The following SLC25A17 variants were observed in gnomAD, a reference collection of about 807,000 sequenced individuals.
The protein encoded by SLC25A17 is solute carrier family 25 member 17.
In SLC25A17, 26 loss-of-function variants were observed where a neutral mutation model predicts 38.5. That is an observed-to-expected ratio of 0.68 (90% CI 0.50 to 0.94). SLC25A17 has a LOEUF of 0.94. Ranked by LOEUF, SLC25A17 falls within the 40% of genes least tolerant of loss-of-function variation. The pLI is 0.00. For synonymous variants in SLC25A17, 139 were observed against 136.2 expected, an observed-to-expected ratio of 1.02 and a Z score of -0.14; for missense variants, 333 against 372.7, an observed-to-expected ratio of 0.89 and a Z score of 0.88.
At chr22:40,810,347 C>CTTTTT (rs199943597) in intron 1 of SLC25A17, among the ~76,000 whole-genome samples, 56 of 135,546 alleles carry the variant, frequency 4.1e-4, no homozygotes, top group Non-Finnish European at 7.7e-4. Flanking sequence ...ATTAAATATT[C>CTTTTT]TTTTTTTTTT....
intron 2 of SLC25A17, chr22:40,797,285 C>T: frequency 1.6e-6 from 2 of 1,285,882 alleles, no homozygotes; most frequent in Non-Finnish European, 2.1e-6. Flanking sequence ...TAATCTTACT[C>T]ATCTCTTCAT....
chr22:40,787,392 G>A (rs1339052754), intron 4 of SLC25A17, among the ~76,000 whole-genome samples: 2 of 152,180 alleles, frequency 1.3e-5, no homozygotes. Flanking sequence ...TTCACTCTTG[G>A]TAAGCGTAAA....
intron 1 of SLC25A17, among the ~76,000 whole-genome samples, chr22:40,801,773 C>T (rs1017634971): frequency 1.3e-5 from 2 of 152,138 alleles, no homozygotes; most frequent in African/African-American, 4.8e-5. Flanking sequence ...CATTTTCTAT[C>T]GCATGGTACT....
chr22:40,771,580 A>G (rs1024051633), intron 8 of SLC25A17, among the ~76,000 whole-genome samples: 1 of 152,248 alleles, frequency 6.6e-6, no homozygotes, highest in East Asian at 1.9e-4. Context: ...ACTGGAGGTC[A>G]TTCTGCTAAG....
Position 40,801,392 on chromosome 22 carries a change from T to C in SLC25A17, c.55-2309A>G, listed in dbSNP as rs181497248. ...TTTATGGCTCTTTCAGCACATATAC[T>C]ACAGTGAAATCCAACTCTTCTGCTA... On this transcript the variant is annotated intron_variant, in intron 1 of 8. Transcript: ENST00000435456. Among the ~76,000 whole-genome samples, 495 of 152,138 alleles carry C rather than the reference T, an allele frequency of 3.3e-3. 4 individuals are homozygous for C. Among genetic ancestry groups the C allele is most frequent in the African/African-American group, 0.011 (459 of 41,522 alleles).
At chr22:40,773,028 G>C (rs893477065) in intron 8 of SLC25A17, among the ~76,000 whole-genome samples, 1 of 152,024 alleles carries the variant, frequency 6.6e-6, no homozygotes, top group Non-Finnish European at 1.5e-5. Context: ...CTTCAAAGGA[G>C]GTCCCTGACT....
Position 40,819,301 on chromosome 22 carries a change from A to G in SLC25A17, c.-53T>C. 6.3e-7 allele frequency: 1 copy of G among 1,578,006 alleles called. No individual in the cohort carries two copies. Among genetic ancestry groups the G allele is most frequent in the Non-Finnish European group, 8.6e-7 (1 of 1,156,576 alleles). ...CACTTTTCCCACAGATGCCGCAGCC[A>G]GTGGAGTTAGGAAAGGAGCACCGGA... is the stretch of plus-strand genomic sequence containing the variant. On this transcript the variant is annotated 5_prime_UTR_variant, in exon 1 of 9. Coordinates refer to ENST00000435456, the MANE Select transcript of SLC25A17 (RefSeq NM_006358.4).
intron 1 of SLC25A17, among the ~76,000 whole-genome samples, chr22:40,812,051 CTCTT>C (rs1436592182): frequency 5.3e-5 from 8 of 151,622 alleles, no homozygotes; most frequent in African/African-American, 1.7e-4. Flanking sequence ...CTCTCTCTCT[CTCTT>C]TCTTTTTAAC....
At chr22:40,802,681 AAC>A (rs1227941011) in intron 1 of SLC25A17, among the ~76,000 whole-genome samples, 1 of 152,162 alleles carries the variant, frequency 6.6e-6, no homozygotes, top group Non-Finnish European at 1.5e-5. Flanking sequence ...AACACCAAGT[AAC>A]AGTTTTATAA....
chr22:40,799,014 TC>T lies in SLC25A17; in HGVS notation c.115+8del. On this transcript the variant is annotated splice_region_variant and intron_variant, in intron 2 of 8. Transcript: ENST00000435456. ...ACACCATACAAATAGGAGTATGATT[TC>T]TACTTACCCTGAAGTCGAAGTCTAG... 1 of 1,589,416 alleles carries T rather than the reference TC, an allele frequency of 6.3e-7. No homozygotes were observed. The highest frequency in any genetic ancestry group is 8.6e-7 in the Non-Finnish European group (1 of 1,157,892).
At chr22:40,801,526 A>G (rs2081381268) in intron 1 of SLC25A17, among the ~76,000 whole-genome samples, 2 of 152,138 alleles carry the variant, frequency 1.3e-5, no homozygotes. Flanking sequence ...TGACCCCAAC[A>G]TAACTGTTCT....
intron 4 of SLC25A17, among the ~76,000 whole-genome samples, chr22:40,781,153 C>A (rs1403027967): frequency 6.6e-6 from 1 of 151,596 alleles, no homozygotes; most frequent in Admixed American, 6.6e-5. Context: ...AGCTGGGCAA[C>A]AGAGTGAGAC....
rs12157338 is a variant in SLC25A17 at position 40,804,323 on chromosome 22, T to C, written c.55-5240A>G. 3.6e-3 allele frequency among the ~76,000 whole-genome samples: 547 copies of C among 152,284 alleles called. 5 individuals carry two copies. The highest frequency in any genetic ancestry group is 0.013 in the African/African-American group (526 of 41,566). ...TACTTGGGGCTCGCTGGTACCTAGATGTGCAAGGTCACTCTACCAGGGCCC... is the reference window on the plus strand; with the variant it reads ...TACTTGGGGCTCGCTGGTACCTAGACGTGCAAGGTCACTCTACCAGGGCCC... On this transcript the variant is annotated intron_variant, in intron 1 of 8. Transcript: ENST00000435456.
intron 4 of SLC25A17, among the ~76,000 whole-genome samples, chr22:40,790,699 G>A (rs965843872): frequency 1.3e-5 from 2 of 152,232 alleles, no homozygotes; most frequent in South Asian, 2.1e-4. Context: ...CAAATAAACC[G>A]CTTTGGACAA....
chr22:40,806,690 C>T (rs1413315812), intron 1 of SLC25A17, among the ~76,000 whole-genome samples: 2 of 152,132 alleles, frequency 1.3e-5, no homozygotes, highest in African/African-American at 4.8e-5. Context: ...ATATTTTCAT[C>T]ATCCCAAAGA....
chr22:40,777,490 T>C (rs548835828), intron 5 of SLC25A17, 117 bp from the exon 6 acceptor site: 14 of 1,231,410 alleles, frequency 1.1e-5, no homozygotes, highest in Admixed American at 7.1e-5. Context: ...TCTATAAAGA[T>C]TTCCTTCTTG....
intron 4 of SLC25A17, among the ~76,000 whole-genome samples, chr22:40,781,584 T>C (rs2057295349): frequency 6.6e-6 from 1 of 152,172 alleles, no homozygotes; most frequent in African/African-American, 2.4e-5. Flanking sequence ...AGTACAAAAA[T>C]GTACCACATT....
At chr22:40,818,958 A>G (rs1165186957) in intron 1 of SLC25A17, among the ~76,000 whole-genome samples, 1 of 152,080 alleles carries the variant, frequency 6.6e-6, no homozygotes, top group Admixed American at 6.5e-5. Flanking sequence ...ACGTGTGAAC[A>G]CGGCTCTCTA....
Position 40,814,842 on chromosome 22 carries a change from C to T in SLC25A17, c.54+4353G>A, listed in dbSNP as rs574164112. On this transcript the variant is annotated intron_variant, in intron 1 of 8. Transcript: ENST00000435456. Reference sequence around the variant, plus strand: ...GTTTTGGTTTTTTTTGTTTTTGAGACGGAGTCTTGCTCTGTCGTCCAGGCT... The same window carrying T: ...GTTTTGGTTTTTTTTGTTTTTGAGATGGAGTCTTGCTCTGTCGTCCAGGCT... Among the ~76,000 whole-genome samples the T allele has an allele frequency of 1.0e-4, 15 of 148,642 alleles. No individual in the cohort carries two copies. The South Asian group carries it at 1.9e-3, about 19-fold the overall frequency.
Sources: gnomAD v4.1 joint callset for allele counts (sites outside exome capture counted in the v4.1 genomes callset) on GRCh38, gnomAD v4.1.1 for gene constraint, MANE v1.5 for transcripts, NCBI Gene and HGNC (gene_info 2026-07-23, HGNC 2026-07-21) for gene names.